Variants in KCNB2 observed in about 807,000 individuals in gnomAD.
KCNB2 encodes potassium voltage-gated channel subfamily B member 2, also known as delayed rectifier potassium channel protein.
In KCNB2, 15 loss-of-function variants were observed where a neutral mutation model predicts 61.5. The observed-to-expected ratio is 0.24, with a 90% CI of 0.16 to 0.38. The LOEUF (loss-of-function observed/expected upper bound fraction) is 0.38. Ranked by LOEUF, KCNB2 falls within the 10% of genes least tolerant of loss-of-function variation. The pLI is 1.00. For synonymous variants in KCNB2, 457 were observed against 446.0 expected, an observed-to-expected ratio of 1.02 and a Z score of -0.31; for missense variants, 828 against 1,125.2, an observed-to-expected ratio of 0.74 and a Z score of 3.78.
chr8:72,742,757 A>G (rs1807984208), intron 2 of KCNB2, among the ~76,000 whole-genome samples: 1 of 152,106 alleles, frequency 6.6e-6, no homozygotes, highest in Admixed American at 6.6e-5. Flanking sequence ...CTCACATCTC[A>G]CATCTCCCAT....
chr8:72,698,494 C>A (rs1446572731), intron 2 of KCNB2, among the ~76,000 whole-genome samples: 1 of 152,086 alleles, frequency 6.6e-6, no homozygotes, highest in Non-Finnish European at 1.5e-5. Context: ...TCATTTTTCA[C>A]AGAATTAGAA....
chr8:72,611,532 T>C (rs1205363655), intron 2 of KCNB2, among the ~76,000 whole-genome samples: 1 of 152,182 alleles, frequency 6.6e-6, no homozygotes, highest in East Asian at 1.9e-4. Flanking sequence ...TCCAATGATC[T>C]GTATTTTCTA....
chr8:72,610,397 A>G (rs1014116133), intron 2 of KCNB2, among the ~76,000 whole-genome samples: 1 of 152,194 alleles, frequency 6.6e-6, no homozygotes, highest in Admixed American at 6.5e-5. Flanking sequence ...GATAACATGA[A>G]GATTTTCCTC....
intron 1 of KCNB2, among the ~76,000 whole-genome samples, chr8:72,551,572 A>G (rs1806345490): frequency 6.6e-6 from 1 of 152,068 alleles, no homozygotes; most frequent in Admixed American, 6.5e-5. Flanking sequence ...ACTTTCACCT[A>G]ATACATTCTT....
At chr8:72,792,510 C>T (rs1808962079) in intron 2 of KCNB2, among the ~76,000 whole-genome samples, 1 of 152,184 alleles carries the variant, frequency 6.6e-6, no homozygotes. Flanking sequence ...TTCCCCTTCT[C>T]CCCAGGCCAA....
intron 2 of KCNB2, among the ~76,000 whole-genome samples, chr8:72,775,620 T>G (rs1343818467): frequency 1.3e-5 from 2 of 151,964 alleles, no homozygotes; most frequent in Non-Finnish European, 2.9e-5. Flanking sequence ...GCAACACCCC[T>G]CAGCCTTGGA....
intron 2 of KCNB2, among the ~76,000 whole-genome samples, chr8:72,602,100 A>G (rs1805361394): frequency 6.6e-6 from 1 of 152,200 alleles, no homozygotes; most frequent in Non-Finnish European, 1.5e-5. Context: ...AAGCTTTGTT[A>G]TCATTCCTGA....
chr8:72,561,767 A>ATG (rs1806533699), intron 1 of KCNB2, among the ~76,000 whole-genome samples: 6 of 27,426 alleles, frequency 2.2e-4, no homozygotes, highest in African/African-American at 4.7e-4. Context: ...ATATGGATAT[A>ATG]TATATATATG....
intron 2 of KCNB2, among the ~76,000 whole-genome samples, chr8:72,767,518 T>C (rs771576102): frequency 7.3e-5 from 11 of 149,998 alleles, no homozygotes; most frequent in Non-Finnish European, 1.2e-4. Context: ...CTCAGTATAA[T>C]GTTTTTAAGG....
At chr8:72,795,781 T>C (rs552137442) in intron 2 of KCNB2, among the ~76,000 whole-genome samples, 2 of 152,308 alleles carry the variant, frequency 1.3e-5, no homozygotes, top group East Asian at 1.9e-4. Context: ...CCAAAAACAT[T>C]TGTGCAACCA....
intron 2 of KCNB2, among the ~76,000 whole-genome samples, chr8:72,822,652 T>A (rs1338231241): frequency 1.3e-5 from 2 of 152,170 alleles, no homozygotes; most frequent in African/African-American, 4.8e-5. Flanking sequence ...ACAATGATCT[T>A]TTTTAAGTGA....
At chr8:72,866,833 A>C (rs1805529586) in intron 2 of KCNB2, among the ~76,000 whole-genome samples, 1 of 152,228 alleles carries the variant, frequency 6.6e-6, no homozygotes, top group African/African-American at 2.4e-5. Context: ...AGGGACTCCC[A>C]ATTAAATTAA....
chr8:72,799,120 G>A (rs1809080746), intron 2 of KCNB2, among the ~76,000 whole-genome samples: 1 of 152,102 alleles, frequency 6.6e-6, no homozygotes, highest in Middle Eastern at 3.2e-3. Context: ...CCACATGAGA[G>A]TGCCCCATCA....
At position 72,931,601 on chromosome 8, in the gene KCNB2, T is replaced by C. The variant is rs1806786291; in HGVS notation, c.580-4334T>C. On this transcript the variant is annotated intron_variant, in intron 2 of 2. Transcript: ENST00000523207. ...CACTCATGATTTGGCTCTCTGTTTG[T>C]CTGTTATTGGTGTATAAGAATGCTT... Among the ~76,000 whole-genome samples, 3 of 152,178 alleles carry C rather than the reference T, an allele frequency of 2.0e-5. No individual in the cohort carries two copies. The South Asian group carries it at 6.2e-4, about 32-fold the overall frequency.
chr8:72,934,945 C>T (rs1235001389), intron 2 of KCNB2, among the ~76,000 whole-genome samples: 1 of 152,002 alleles, frequency 6.6e-6, no homozygotes, highest in East Asian at 1.9e-4. Flanking sequence ...TTCCACATAC[C>T]TGTCCTTGGC....
At chr8:72,619,110 G>A (rs889690359) in intron 2 of KCNB2, 7 of 297,124 alleles carry the variant, frequency 2.4e-5, no homozygotes, top group African/African-American at 1.4e-4. Flanking sequence ...CAATATTAAT[G>A]TTGCAGTTAG....
intron 2 of KCNB2, among the ~76,000 whole-genome samples, chr8:72,841,061 A>G (rs190523016): frequency 2.0e-5 from 3 of 152,292 alleles, no homozygotes; most frequent in Admixed American, 2.0e-4. Context: ...TCTTTAATCC[A>G]TCTTGAGTTA....
At chr8:72,634,063 A>G (rs745399321) in intron 2 of KCNB2, among the ~76,000 whole-genome samples, 4 of 152,182 alleles carry the variant, frequency 2.6e-5, no homozygotes, top group Non-Finnish European at 5.9e-5. Flanking sequence ...CTTGCTGTGC[A>G]CTGTAATGTT....
At chr8:72,628,208 C>A (rs926329006) in intron 2 of KCNB2, among the ~76,000 whole-genome samples, 1 of 152,180 alleles carries the variant, frequency 6.6e-6, no homozygotes, top group Non-Finnish European at 1.5e-5. Context: ...CCCGCCTTGA[C>A]CACCCAAAGT....
Sources: allele counts gnomAD v4.1 joint callset (sites outside exome capture counted in the v4.1 genomes callset), GRCh38; gene constraint gnomAD v4.1.1; transcripts MANE v1.5; gene names NCBI Gene and HGNC (gene_info 2026-07-23, HGNC 2026-07-21).